Variants in PDZD2 observed in about 807,000 individuals in gnomAD.
PDZD2 encodes the protein PDZ domain-containing protein 2.
Under a neutral mutation model 220.7 loss-of-function variants are expected in PDZD2, and 90 were observed. The observed-to-expected ratio is 0.41, with a 90% CI of 0.34 to 0.49. The LOEUF (loss-of-function observed/expected upper bound fraction) is 0.49. Among genes scored for constraint, PDZD2 ranks in the 20% least tolerant of loss-of-function variants. The pLI is 0.28. For synonymous variants in PDZD2, 1,375 were observed against 1,450.5 expected (o/e 0.95, Z 1.18); for missense variants, 3,174 against 3,608.5 (o/e 0.88, Z 3.08).
At chr5:32,014,818 C>T (rs1300871587) in intron 6 of PDZD2, among the ~76,000 whole-genome samples, 7 of 149,388 alleles carry the variant, frequency 4.7e-5, no homozygotes, top group African/African-American at 7.5e-5. Context: ...AGGGTTTAAG[C>T]GATTCTTCCG....
chr5:31,964,617 T>A (rs535362292), intron 2 of PDZD2, among the ~76,000 whole-genome samples: 23 of 152,328 alleles, frequency 1.5e-4, no homozygotes, highest in African/African-American at 5.3e-4. Context: ...CTAAGTCCTG[T>A]CCATTCCTGA....
intron 5 of PDZD2, among the ~76,000 whole-genome samples, chr5:32,002,055 T>C (rs1752173369): frequency 6.6e-6 from 1 of 152,200 alleles, no homozygotes; most frequent in Admixed American, 6.5e-5. Flanking sequence ...TAGGTCTCTT[T>C]ATATTTTCCC....
intron 2 of PDZD2, among the ~76,000 whole-genome samples, chr5:31,820,242 T>A (rs1755753593): frequency 6.6e-6 from 1 of 152,164 alleles, no homozygotes; most frequent in Non-Finnish European, 1.5e-5. Flanking sequence ...CTTAATTCCA[T>A]CCCACTCCTC....
At chr5:32,064,277 A>G (rs1456888666) in intron 14 of PDZD2, among the ~76,000 whole-genome samples, 1 of 150,982 alleles carries the variant, frequency 6.6e-6, no homozygotes, top group African/African-American at 2.4e-5. Context: ...AGTCTCTCTC[A>G]GTTGCCCAGG....
intron 2 of PDZD2, among the ~76,000 whole-genome samples, chr5:31,890,004 CAG>C (rs553594200): frequency 6.5e-4 from 99 of 152,070 alleles, no homozygotes; most frequent in African/African-American, 2.3e-3. Context: ...GCCTGGGCGA[CAG>C]AGTGAGACAC....
intron 6 of PDZD2, among the ~76,000 whole-genome samples, chr5:32,031,315 G>T (rs967904241): frequency 6.6e-6 from 1 of 152,112 alleles, no homozygotes; most frequent in Non-Finnish European, 1.5e-5. Flanking sequence ...TTTTAAGGAA[G>T]TATCCCTTTT....
chr5:31,902,759 C>T (rs1234297543), intron 2 of PDZD2, among the ~76,000 whole-genome samples: 2 of 151,308 alleles, frequency 1.3e-5, no homozygotes, highest in Non-Finnish European at 2.9e-5. Flanking sequence ...CCCAGCTACT[C>T]GGGAGGCTGA....
intron 2 of PDZD2, among the ~76,000 whole-genome samples, chr5:31,873,128 G>A (rs1440393780): frequency 6.6e-6 from 1 of 152,122 alleles, no homozygotes; most frequent in East Asian, 1.9e-4. Context: ...ATATATATAT[G>A]TATATAGAGA....
chr5:31,878,555 CTTTTTTTTT>C (rs397884384), intron 2 of PDZD2, among the ~76,000 whole-genome samples: 8 of 48,198 alleles, frequency 1.7e-4, no homozygotes, highest in African/African-American at 3.5e-4. Context: ...ATGACCTCGG[CTTTTTTTTT>C]TTTTTTTTTT....
intron 14 of PDZD2, among the ~76,000 whole-genome samples, chr5:32,067,494 C>G (rs1740323119): frequency 6.6e-6 from 1 of 152,012 alleles, no homozygotes; most frequent in African/African-American, 2.4e-5. Context: ...GTTTTATTTC[C>G]TGTGAAGCCT....
At chr5:31,760,059 A>G (rs1158651322) in intron 1 of PDZD2, among the ~76,000 whole-genome samples, 7 of 152,182 alleles carry the variant, frequency 4.6e-5, no homozygotes, top group African/African-American at 1.7e-4. Context: ...GGTAAAGCAG[A>G]TGGGAGGAGG....
chr5:32,057,319 CTA>C lies in PDZD2; in HGVS notation c.1901-334_1901-333del, dbSNP rs948608306. ...GTGGGTTTAAGTTTTTAAACAATGACTATGAGGAACGCCTTTGAACTAGATTT... is the reference window on the plus strand; with the variant it reads ...GTGGGTTTAAGTTTTTAAACAATGACTGAGGAACGCCTTTGAACTAGATTT... On this transcript the variant is annotated intron_variant, in intron 10 of 24. Coordinates refer to ENST00000438447, the MANE Select transcript of PDZD2 (RefSeq NM_178140.4). 5.3e-5 allele frequency among the ~76,000 whole-genome samples: 8 copies of C among 152,212 alleles called. 1 individual carries two copies. The highest frequency in any genetic ancestry group is 1.9e-4 in the African/African-American group (8 of 41,540).
rs755425236 is a variant in PDZD2 at position 32,087,513 on chromosome 5, A to G, written c.4065A>G (p.Pro1355=). 3 of 1,613,064 alleles carry G rather than the reference A, an allele frequency of 1.9e-6. No individual in the cohort carries two copies. The highest frequency in any genetic ancestry group is 2.5e-6 in the Non-Finnish European group (3 of 1,179,434). The change falls in exon 20 of 25, where the codon CCA becomes CCG. Residue 1355 remains proline, a synonymous_variant. Coordinates refer to ENST00000438447, the MANE Select transcript of PDZD2 (RefSeq NM_178140.4). The surrounding 1 kb of genome is among the most constrained non-coding windows in gnomAD (Gnocchi z 4.0). ...CCCAGGAGCAGAGACAGGGAGCTCC[A>G]GGTAACCACAGTAAGGCTCTGGAAA... The part of the protein sequence containing the change: ...LTSQEQRQGA[P]GNHSKALEMT...
At chr5:32,006,445 C>G (rs900105911) in intron 5 of PDZD2, among the ~76,000 whole-genome samples, 2 of 150,754 alleles carry the variant, frequency 1.3e-5, no homozygotes, top group Non-Finnish European at 2.9e-5. Flanking sequence ...AGCCTGAAAC[C>G]TGAGGCTCAA....
At chr5:32,048,330 G>A (rs79341634) in intron 7 of PDZD2, among the ~76,000 whole-genome samples, 2,058 of 152,020 alleles carry the variant, frequency 0.014, 44 homozygotes, top group African/African-American at 0.039. Context: ...CAGTTTTTTC[G>A]TAGCCTGACA....
At chr5:31,813,397 G>A (rs1314969715) in intron 2 of PDZD2, among the ~76,000 whole-genome samples, 2 of 146,426 alleles carry the variant, frequency 1.4e-5, no homozygotes, top group African/African-American at 5.2e-5. Context: ...TTGCAGTGAG[G>A]GGAGATTGCA....
intron 2 of PDZD2, among the ~76,000 whole-genome samples, chr5:31,887,883 C>T (rs1463337820): frequency 6.6e-6 from 1 of 151,446 alleles, no homozygotes; most frequent in Non-Finnish European, 1.5e-5. Context: ...TGTGGGGGGA[C>T]AGTTACACAT....
At chr5:31,681,206 G>C (rs375812952) in intron 1 of PDZD2, among the ~76,000 whole-genome samples, 1 of 152,106 alleles carries the variant, frequency 6.6e-6, no homozygotes, top group Non-Finnish European at 1.5e-5. Flanking sequence ...GCTTATGACT[G>C]TTGATTCATC....
chr5:31,841,301 T>C (rs1373473110), intron 2 of PDZD2, among the ~76,000 whole-genome samples: 1 of 152,202 alleles, frequency 6.6e-6, no homozygotes, highest in East Asian at 1.9e-4. Context: ...GTCCTGATTC[T>C]ACCACTTACC....
Sources: gnomAD v4.1 joint callset for allele counts (sites outside exome capture counted in the v4.1 genomes callset) on GRCh38, gnomAD v4.1.1 for gene constraint, Gnocchi (gnomAD v3.1) non-coding constraint, MANE v1.5 for transcripts, NCBI Gene and HGNC (gene_info 2026-07-23, HGNC 2026-07-21) for gene names.